The following XPR1 variants were observed in gnomAD, a reference collection of about 807,000 sequenced individuals.
The protein encoded by XPR1 is solute carrier family 53 member 1.
In XPR1, 28 loss-of-function variants were observed where a neutral mutation model predicts 87.5. The ratio of observed to expected loss-of-function variants is 0.32; its 90% CI spans 0.24 to 0.44. The LOEUF is 0.44. Among genes scored for constraint, XPR1 ranks in the 20% least tolerant of loss-of-function variants. The pLI, the probability that XPR1 is intolerant of heterozygous loss-of-function variation, is 1.00. For synonymous variants in XPR1, 300 were observed against 306.1 expected (o/e 0.98, Z 0.21); for missense variants, 559 against 862.3 (o/e 0.65, Z 4.41).
intron 6 of XPR1, among the ~76,000 whole-genome samples, chr1:180,807,138 C>T (rs1650022592): frequency 6.6e-6 from 1 of 152,240 alleles, no homozygotes. Flanking sequence ...CATGCTTTCT[C>T]CCTAAGACTT....
chr1:180,821,899 T>G (rs1039874609), intron 7 of XPR1, among the ~76,000 whole-genome samples: 1 of 152,256 alleles, frequency 6.6e-6, no homozygotes, highest in African/African-American at 2.4e-5. Context: ...ACAACTGTGA[T>G]GAATTTACTA....
At chr1:180,690,960 A>G (rs1315326388) in intron 2 of XPR1, among the ~76,000 whole-genome samples, 2 of 151,866 alleles carry the variant, frequency 1.3e-5, no homozygotes, top group Non-Finnish European at 2.9e-5. Flanking sequence ...TTGATCTATT[A>G]TGTTTAGATG....
chr1:180,763,391 G>T (rs376093768), intron 2 of XPR1, among the ~76,000 whole-genome samples: 2 of 152,146 alleles, frequency 1.3e-5, no homozygotes, highest in East Asian at 3.8e-4. Flanking sequence ...GACTTTGAAG[G>T]ATTTTGTATG....
At chr1:180,728,039 GC>G (rs1350463392) in intron 2 of XPR1, among the ~76,000 whole-genome samples, 2 of 152,156 alleles carry the variant, frequency 1.3e-5, no homozygotes, top group Non-Finnish European at 2.9e-5. Context: ...TGGGAATGCA[GC>G]CCAGTAGGTT....
At chr1:180,768,402 G>A (rs1648374154) in intron 2 of XPR1, among the ~76,000 whole-genome samples, 1 of 152,148 alleles carries the variant, frequency 6.6e-6, no homozygotes, top group African/African-American at 2.4e-5. Context: ...TCCCATAATG[G>A]CATTTATTTC....
chr1:180,733,477 G>T (rs1002648747), intron 2 of XPR1, among the ~76,000 whole-genome samples: 12 of 152,280 alleles, frequency 7.9e-5, no homozygotes, highest in African/African-American at 2.2e-4. Context: ...TAGATACAGA[G>T]GGTAAAAAGC....
chr1:180,656,512 A>ATATAT lies in XPR1; in HGVS notation c.69+24243_69+24247dup, dbSNP rs1655513024. On this transcript the variant is annotated intron_variant, in intron 1 of 14. Transcript: ENST00000367590. ...TATTTATATATTATATATAATATTT[A>ATATAT]TATATAATATTTATATATTATATAT... is the stretch of plus-strand genomic sequence containing the variant. 2.3e-5 allele frequency among the ~76,000 whole-genome samples: 2 copies of ATATAT among 85,408 alleles called. 1 individual carries two copies. The highest frequency in any genetic ancestry group is 1.0e-4 in the African/African-American group (2 of 19,434). The allele number at this position is 85,408 out of a possible 152,430, so 56.0% of individuals were successfully genotyped here.
intron 1 of XPR1, among the ~76,000 whole-genome samples, chr1:180,649,721 C>G (rs1277918838): frequency 1.3e-5 from 2 of 152,150 alleles, no homozygotes; most frequent in African/African-American, 4.8e-5. Context: ...TATTTTCAAT[C>G]TGTGTTTCTC....
intron 1 of XPR1, among the ~76,000 whole-genome samples, chr1:180,658,813 C>G (rs1655630526): frequency 6.6e-6 from 1 of 151,818 alleles, no homozygotes; most frequent in African/African-American, 2.4e-5. Flanking sequence ...TCGTGATCCA[C>G]CCGCCTCGGC....
intron 9 of XPR1, among the ~76,000 whole-genome samples, chr1:180,833,985 C>T (rs1651175593): frequency 6.6e-6 from 1 of 152,194 alleles, no homozygotes; most frequent in South Asian, 2.1e-4. Context: ...TACACCTCCA[C>T]TCTAGACAAA....
At position 180,836,570 on chromosome 1, in the gene XPR1, A is replaced by G. The variant is rs769349977; in HGVS notation, c.1355A>G (p.Gln452Arg). ...ACATATGGTGTGCGGGCCATTGTTC[A>G]GTGCATTCCTGCTTGGCTTCGCTTC... Reference protein sequence around the residue: ...KYTYGVRAIVQCIPAWLRFIQ... With the variant: ...KYTYGVRAIVRCIPAWLRFIQ... The change falls in exon 11 of 15, where the codon CAG becomes CGG. Residue 452 changes from glutamine to arginine, a missense_variant. Gln to Arg is a conservative substitution (Grantham distance 43). Around this residue, in one of 7 missense-constraint regions of XPR1, gnomAD observed 264 missense variants for 377.2 expected, o/e 0.70. Transcript: ENST00000367590. 2 of 1,614,210 alleles carry G rather than the reference A, an allele frequency of 1.2e-6. No individual in the cohort carries two copies. The highest frequency in any genetic ancestry group is 2.2e-5 in the East Asian group (1 of 44,888).
chr1:180,708,569 T>G (rs1657635954), intron 2 of XPR1, among the ~76,000 whole-genome samples: 1 of 150,888 alleles, frequency 6.6e-6, no homozygotes. Context: ...TTAGTGGAGA[T>G]TTTATTGCAA....
At chr1:180,659,813 A>G (rs1041402334) in intron 1 of XPR1, among the ~76,000 whole-genome samples, 1 of 151,622 alleles carries the variant, frequency 6.6e-6, no homozygotes, top group Non-Finnish European at 1.5e-5. Context: ...CACCACGCCC[A>G]GCCTAGTTTT....
intron 1 of XPR1, among the ~76,000 whole-genome samples, chr1:180,632,859 T>C (rs1271283237): frequency 3.3e-5 from 5 of 152,250 alleles, no homozygotes; most frequent in Middle Eastern, 3.2e-3. Flanking sequence ...GTATCACATA[T>C]GTAGTGGTTA....
intron 7 of XPR1, among the ~76,000 whole-genome samples, chr1:180,823,604 G>A (rs1165593551): frequency 6.6e-6 from 1 of 152,184 alleles, no homozygotes; most frequent in Non-Finnish European, 1.5e-5. Context: ...TTGGTGATTA[G>A]ATTATGAAGA....
rs1215538564 is a variant in XPR1 at position 180,699,212 on chromosome 1, T to TC, written c.121+16801_121+16802insC. 1.9e-3 allele frequency among the ~76,000 whole-genome samples: 276 copies of TC among 143,162 alleles called. 1 individual carries two copies. Among genetic ancestry groups the TC allele is most frequent in the African/African-American group, 2.6e-3 (96 of 36,806 alleles). 93.9% of individuals were successfully genotyped at this position (143,162 alleles called of 152,430 possible). ...TCTTTAGTTTCTTTTATTCTTTCTT[T>TC]TTTTTTTTTTTTTTATTATACTCTA... is the stretch of plus-strand genomic sequence containing the variant. On this transcript the variant is annotated intron_variant, in intron 2 of 14. Coordinates refer to ENST00000367590, the MANE Select transcript of XPR1 (RefSeq NM_004736.4).
At chr1:180,761,821 C>T (rs557864882) in intron 2 of XPR1, among the ~76,000 whole-genome samples, 11 of 152,192 alleles carry the variant, frequency 7.2e-5, no homozygotes, top group South Asian at 2.1e-4. Flanking sequence ...CACATGCACA[C>T]GTATGTTTAT....
chr1:180,818,299 G>C (rs560033680), intron 7 of XPR1, among the ~76,000 whole-genome samples: 89 of 147,304 alleles, frequency 6.0e-4, no homozygotes, highest in African/African-American at 2.0e-3. Context: ...CTGTAATTTT[G>C]TAAGTTTTAG....
intron 2 of XPR1, among the ~76,000 whole-genome samples, chr1:180,752,530 T>A (rs1027486613): frequency 1.8e-4 from 28 of 152,132 alleles, no homozygotes; most frequent in African/African-American, 6.8e-4. Context: ...CTTCCCTGAT[T>A]TTTATTTTCT....
Sources: gnomAD v4.1 joint callset for allele counts (sites outside exome capture counted in the v4.1 genomes callset) on GRCh38, gnomAD v4.1.1 for gene constraint, gnomAD v4.1.1 regional missense constraint, MANE v1.5 for transcripts, NCBI Gene and HGNC (gene_info 2026-07-23, HGNC 2026-07-21) for gene names.